The following LBHD1 variants were observed in gnomAD, a reference collection of about 807,000 sequenced individuals.
The protein encoded by LBHD1 is LBH domain-containing protein 1.
Under a neutral mutation model 31.1 loss-of-function variants are expected in LBHD1, and 28 were observed. The observed-to-expected ratio is 0.90, with a 90% CI of 0.67 to 1.24. The LOEUF (loss-of-function observed/expected upper bound fraction) is 1.24, where lower values mean the gene tolerates loss of function less well. Ranked by LOEUF, LBHD1 falls within the 50% of genes most tolerant of loss-of-function variation. The probability of loss-of-function intolerance (pLI) is 0.00; values close to 1 mark genes in which losing one functional copy is unlikely to be tolerated. For missense variants in LBHD1, 350 were observed against 323.0 expected, an observed-to-expected ratio of 1.08 and a Z score of -0.64; for synonymous variants, 105 against 116.5, an observed-to-expected ratio of 0.90 and a Z score of 0.63.
chr11:62,666,068 C>A, intron 4 of LBHD1: 1 of 1,167,124 alleles, frequency 8.6e-7, no homozygotes, highest in Non-Finnish European at 1.2e-6. Context: ...CTACGGTGGG[C>A]CGTGCGTGGT....
At chr11:62,665,426 C>T (rs767056007) in intron 4 of LBHD1, 29 of 1,532,548 alleles carry the variant, frequency 1.9e-5, no homozygotes, top group South Asian at 4.6e-5. Flanking sequence ...CAGGACCCTC[C>T]TTTTCTTGGC....
chr11:62,666,054 A>G (rs1245633961), intron 4 of LBHD1: 8 of 1,286,002 alleles, frequency 6.2e-6, no homozygotes, highest in African/African-American at 1.5e-5. Flanking sequence ...GTGATTCTCA[A>G]ACCCTACGGT....
At position 62,671,813 on chromosome 11, in the gene LBHD1, C is replaced by T; in HGVS notation, c.-260G>A. On this transcript the variant is annotated 5_prime_UTR_variant, in exon 1 of 7. Coordinates refer to ENST00000354588, the MANE Select transcript of LBHD1 (RefSeq NM_024099.5). ...GGCGCAGGGGCTGGCGTGGGCTACG[C>T]GCTCCTCGTTATCGTGACCCCGGGA... 6.2e-7 allele frequency: 1 copy of T among 1,614,126 alleles called. No homozygotes were observed. Among genetic ancestry groups the T allele is most frequent in the Non-Finnish European group, 8.5e-7 (1 of 1,180,018 alleles).
Position 62,671,711 on chromosome 11 carries a change from C to A in LBHD1, c.-158G>T. On this transcript the variant is annotated 5_prime_UTR_variant, in exon 1 of 7. Coordinates refer to ENST00000354588, the MANE Select transcript of LBHD1 (RefSeq NM_024099.5). ...GGCAACAGCTTGCGGCTGCGGGGAG[C>A]TCCCGTGGGCGCTCCGCTGGCTGTG... 3 of 1,608,136 alleles carry A rather than the reference C, an allele frequency of 1.9e-6. No individual in the cohort carries two copies. The highest frequency in any genetic ancestry group is 2.5e-6 in the Non-Finnish European group (3 of 1,177,072).
At chr11:62,666,030 T>A in intron 4 of LBHD1, 1 of 1,425,740 alleles carries the variant, frequency 7.0e-7, no homozygotes, top group Non-Finnish European at 9.6e-7. Flanking sequence ...GTCAGGAGTG[T>A]AGTCCCTGAA....
rs199547133 is a variant in LBHD1 at position 62,669,661 on chromosome 11, T to C, written c.293A>G (p.Gln98Arg). The change falls in exon 3 of 7, where the codon CAA becomes CGA. Residue 98 changes from glutamine to arginine, a missense_variant. Transcript: ENST00000354588. ...GEEEDAEAFFQDQSEEPGWAW... is the reference protein window; with the variant it reads ...GEEEDAEAFFRDQSEEPGWAW... ...CTCACCTGGCTCTTCACTTTGGTCTTGGAAGAAGGCCTCAGCATCCTCTTC... is the reference window on the plus strand; with the variant it reads ...CTCACCTGGCTCTTCACTTTGGTCTCGGAAGAAGGCCTCAGCATCCTCTTC... 30 of 1,613,908 alleles carry C rather than the reference T, an allele frequency of 1.9e-5. No individual in the cohort carries two copies. The East Asian group carries it at 6.5e-4, about 35-fold the overall frequency.
chr11:62,668,154 T>C (rs1034124624), intron 3 of LBHD1: 10 of 179,198 alleles, frequency 5.6e-5, no homozygotes, highest in African/African-American at 1.7e-4. Flanking sequence ...AGTACCTTCA[T>C]TGGGTTGTTC....
chr11:62,666,436 G>A (rs1944814110), intron 4 of LBHD1: 1 of 1,612,620 alleles, frequency 6.2e-7, no homozygotes, highest in African/African-American at 1.3e-5. Context: ...GCTGTCTCTG[G>A]GATCGGCTGC....
In LBHD1 at chr11:62,671,802, C is replaced by T. The variant is rs1184372073; in HGVS notation, c.-249G>A. 3.1e-6 allele frequency: 5 copies of T among 1,613,914 alleles called. No homozygotes were observed. The highest frequency in any genetic ancestry group is 1.7e-5 in the Admixed American group (1 of 59,980). On this transcript the variant is annotated 5_prime_UTR_variant, in exon 1 of 7. Coordinates refer to ENST00000354588, the MANE Select transcript of LBHD1 (RefSeq NM_024099.5). ...TCGCAATGCTGGGCGCAGGGGCTGG[C>T]GTGGGCTACGCGCTCCTCGTTATCG... is the stretch of plus-strand genomic sequence containing the variant.
Position 62,671,576 on chromosome 11 carries a change from C to A in LBHD1, c.-23G>T, listed in dbSNP as rs995788625. 2 of 1,451,222 alleles carry A rather than the reference C, an allele frequency of 1.4e-6. No individual in the cohort carries two copies. Among genetic ancestry groups the A allele is most frequent in the Non-Finnish European group, 1.8e-6 (2 of 1,107,708 alleles). 89.9% of individuals were successfully genotyped at this position (1,451,222 alleles called of 1,614,324 possible). A position where few individuals can be genotyped will look rare whatever the true frequency, so the allele number is the denominator to read the frequency against. On this transcript the variant is annotated 5_prime_UTR_variant, in exon 1 of 7. Transcript: ENST00000354588. ...CCCTCAGCTAAACCTGAGATCCAAG[C>A]GCTCCGGATTCCAAACGTTTCCTCG...
intron 5 of LBHD1, 108 bp downstream of exon 5, chr11:62,664,741 A>T: frequency 1.4e-6 from 2 of 1,380,450 alleles, no homozygotes; most frequent in Non-Finnish European, 2.0e-6. Context: ...TTCCCCGCAT[A>T]AGCGTCAGTG....
intron 5 of LBHD1, 144 bp from the exon 6 acceptor site, chr11:62,663,477 C>T (rs1355229204): frequency 4.0e-6 from 3 of 755,222 alleles, no homozygotes; most frequent in Non-Finnish European, 4.1e-6. Context: ...GAGGCCGAGG[C>T]GGCTGGATCA....
chr11:62,667,990 C>T (rs1330619131), intron 3 of LBHD1: 1 of 414,126 alleles, frequency 2.4e-6, no homozygotes, highest in Non-Finnish European at 4.4e-6. Flanking sequence ...ACTGCTTGAA[C>T]CCTGGGAGGT....
chr11:62,669,972 G>C lies in LBHD1; in HGVS notation c.60C>G (p.Gly20=). ...TGGGACTTTCTGGATGCTGGGAGGA[G>C]CCTGGGCTATTTCTAGTCCAAAGCC... The part of the protein sequence containing the change: ...EDGLWTRNSP[G]SSQHPESPRL... Residue 20 remains glycine, a synonymous_variant, in exon 2 of 7, where the codon GGC becomes GGG. Coordinates refer to ENST00000354588, the MANE Select transcript of LBHD1 (RefSeq NM_024099.5). 1 of 1,614,050 alleles carries C rather than the reference G, an allele frequency of 6.2e-7. No homozygotes were observed. Among genetic ancestry groups the C allele is most frequent in the East Asian group, 2.2e-5 (1 of 44,888 alleles).
chr11:62,669,942 C>T lies in LBHD1; in HGVS notation c.90G>A (p.Leu30=), dbSNP rs895316127. The stretch of plus-strand genomic sequence containing the variant: ...TTCCTCTGTCCCAGAGAGGGTTGGG[C>T]AGCCTGGGACTTTCTGGATGCTGGG... ...GSSQHPESPR[L]PNPLWDRGKI... Residue 30 remains leucine, a synonymous_variant, in exon 2 of 7, where the codon CTG becomes CTA. Transcript: ENST00000354588. 1 of 1,614,034 alleles carries T rather than the reference C, an allele frequency of 6.2e-7. No individual in the cohort carries two copies. The highest frequency in any genetic ancestry group is 1.3e-5 in the African/African-American group (1 of 74,920).
In LBHD1 at chr11:62,665,328, A is replaced by T. The variant is rs969206963; in HGVS notation, c.539-355T>A. On this transcript the variant is annotated intron_variant, in intron 4 of 6. Transcript: ENST00000354588. ...GCGGGAGGCCTTTCGGAGGGTGGTG[A>T]GCTAGTAAGTGTGGTTTTAGCTGTA... 2.7e-5 allele frequency: 20 copies of T among 738,698 alleles called. No individual in the cohort carries two copies. In the East Asian group the frequency reaches 5.1e-4, roughly 19 times the overall value. 45.8% of individuals were successfully genotyped at this position (738,698 alleles called of 1,614,324 possible). A position where few individuals can be genotyped will look rare whatever the true frequency, so the allele number is the denominator to read the frequency against.
At chr11:62,667,493 G>C (rs1944851298) in intron 4 of LBHD1, 30 bp downstream of exon 4, 1 of 1,601,224 alleles carries the variant, frequency 6.2e-7, no homozygotes, top group African/African-American at 1.3e-5. Context: ...ACCTGGATGA[G>C]ATATTTGAGG....
At chr11:62,666,412 T>G (rs1187685440) in intron 4 of LBHD1, 1 of 1,610,410 alleles carries the variant, frequency 6.2e-7, no homozygotes, top group Non-Finnish European at 8.5e-7. Context: ...TGGCTGATAG[T>G]TGCCTGGCGG....
intron 5 of LBHD1, among the ~76,000 whole-genome samples, chr11:62,664,295 A>G (rs1438392516): frequency 6.7e-6 from 1 of 149,524 alleles, no homozygotes; most frequent in Non-Finnish European, 1.5e-5. Context: ...CATTACTTGG[A>G]GAATGGAGAG....
Sources: gnomAD v4.1 joint callset for allele counts (sites outside exome capture counted in the v4.1 genomes callset) on GRCh38, gnomAD v4.1.1 for gene constraint, MANE v1.5 for transcripts, NCBI Gene and HGNC (gene_info 2026-07-23, HGNC 2026-07-21) for gene names.